Variants in CACNB2 observed in about 807,000 individuals in gnomAD.
The protein encoded by CACNB2 is voltage-dependent L-type calcium channel subunit beta-2.
Under a neutral mutation model 73.3 loss-of-function variants are expected in CACNB2, and 42 were observed. The observed-to-expected ratio is 0.57, with a 90% CI of 0.45 to 0.74. The LOEUF is 0.74. Ranked by LOEUF, CACNB2 falls within the 30% of genes least tolerant of loss-of-function variation. CACNB2 has a pLI of 0.00. For synonymous variants in CACNB2, 348 were observed against 310.3 expected (o/e 1.12, Z -1.28); for missense variants, 940 against 853.0 (o/e 1.10, Z -1.27).
chr10:18,484,421 A>AT (rs11440498), intron 3 of CACNB2, among the ~76,000 whole-genome samples: 146,711 of 151,542 alleles, frequency 0.97, 71,045 homozygotes, highest in African/African-American at 0.99. Context: ...TAGATACAGT[A>AT]TAGAGAAAAC....
intron 2 of CACNB2, among the ~76,000 whole-genome samples, chr10:18,264,903 C>T (rs1201797776): frequency 8.5e-5 from 13 of 152,122 alleles, no homozygotes; most frequent in Admixed American, 8.5e-4. Context: ...AATGAAACTG[C>T]CAAGTCATAG....
At chr10:18,483,549 A>G (rs1394500810) in intron 3 of CACNB2, among the ~76,000 whole-genome samples, 1 of 151,686 alleles carries the variant, frequency 6.6e-6, no homozygotes, top group Non-Finnish European at 1.5e-5. Context: ...AAAAAAAAGA[A>G]AAGAAAAAAG....
At chr10:18,197,678 C>T (rs1241658231) in intron 2 of CACNB2, among the ~76,000 whole-genome samples, 2 of 152,068 alleles carry the variant, frequency 1.3e-5, no homozygotes, top group Admixed American at 6.5e-5. Context: ...AACCAATTCC[C>T]ATAGTCAGAG....
chr10:18,459,135 T>C lies in CACNB2; in HGVS notation c.334-39220T>C. ...GTTGATAGCTCAACATTGAAGATACTATGAATTTTTAGTTAAAAATTTTAA... is the reference window on the plus strand; with the variant it reads ...GTTGATAGCTCAACATTGAAGATACCATGAATTTTTAGTTAAAAATTTTAA... On this transcript the variant is annotated intron_variant, in intron 3 of 13. Transcript: ENST00000324631. 1.3e-5 allele frequency among the ~76,000 whole-genome samples: 2 copies of C among 152,206 alleles called. 1 individual carries two copies. The highest frequency in any genetic ancestry group is 1.3e-4 in the Admixed American group (2 of 15,262).
intron 3 of CACNB2, among the ~76,000 whole-genome samples, chr10:18,490,395 G>C (rs11014484): frequency 0.38 from 58,160 of 152,044 alleles, 11,563 homozygotes; most frequent in East Asian, 0.7. Context: ...GAAAGTACCA[G>C]AAACTGGAAA....
chr10:18,396,334 A>G (rs1254934824), intron 2 of CACNB2, among the ~76,000 whole-genome samples: 1 of 152,244 alleles, frequency 6.6e-6, no homozygotes, highest in African/African-American at 2.4e-5. Context: ...ACATTGCACC[A>G]GAGAACAGAA....
Position 18,289,445 on chromosome 10 carries a change from A to C in CACNB2, c.214-112479A>C, listed in dbSNP as rs557394911. Among the ~76,000 whole-genome samples the C allele has an allele frequency of 1.6e-4, 24 of 150,574 alleles. No individual in the cohort carries two copies. In the South Asian group the frequency reaches 4.5e-3, roughly 28 times the overall value. ...GAGTAGCTGGGACTACAGGTGCCTGACACCACACCCAGCTAATTTTTTGTA... is the reference window on the plus strand; with the variant it reads ...GAGTAGCTGGGACTACAGGTGCCTGCCACCACACCCAGCTAATTTTTTGTA... On this transcript the variant is annotated intron_variant, in intron 2 of 13. Transcript: ENST00000324631.
At chr10:18,510,654 A>G (rs905336355) in intron 6 of CACNB2, among the ~76,000 whole-genome samples, 1 of 152,208 alleles carries the variant, frequency 6.6e-6, no homozygotes, top group Non-Finnish European at 1.5e-5. Flanking sequence ...AGCAGGCTAG[A>G]TTCAATGGGC....
At chr10:18,349,697 TG>T (rs367601204) in intron 2 of CACNB2, among the ~76,000 whole-genome samples, 14 of 148,264 alleles carry the variant, frequency 9.4e-5, no homozygotes, top group Admixed American at 1.4e-4. Flanking sequence ...TAGTGTCTAA[TG>T]GGGACAAACT....
At chr10:18,469,963 A>C (rs1427802841) in intron 3 of CACNB2, among the ~76,000 whole-genome samples, 1 of 152,114 alleles carries the variant, frequency 6.6e-6, no homozygotes, top group Non-Finnish European at 1.5e-5. Flanking sequence ...CTTTGAATAC[A>C]ACCCAACAAC....
intron 3 of CACNB2, among the ~76,000 whole-genome samples, chr10:18,458,725 C>T (rs2047407115): frequency 6.7e-6 from 1 of 149,830 alleles, no homozygotes; most frequent in Admixed American, 6.7e-5. Flanking sequence ...CCTATGCATA[C>T]TATTATACTA....
intron 5 of CACNB2, among the ~76,000 whole-genome samples, chr10:18,502,689 C>CAAAAAAAAAAAAA (rs71200974): frequency 2.7e-5 from 2 of 73,256 alleles, no homozygotes; most frequent in African/African-American, 5.7e-5. Context: ...GACTCCATCT[C>CAAAAAAAAAAAAA]AAAAAAAAAA....
intron 6 of CACNB2, among the ~76,000 whole-genome samples, chr10:18,508,375 CCA>C (rs2050599836): frequency 6.6e-6 from 1 of 152,124 alleles, no homozygotes; most frequent in South Asian, 2.1e-4. Flanking sequence ...GCCCCTGAAT[CCA>C]CAGAGGAAGG....
intron 7 of CACNB2, among the ~76,000 whole-genome samples, chr10:18,516,463 T>G (rs919663758): frequency 6.6e-6 from 1 of 152,188 alleles, no homozygotes; most frequent in Non-Finnish European, 1.5e-5. Flanking sequence ...ATTAAAGTCT[T>G]GAGATAAAAT....
chr10:18,387,558 T>A (rs7074429), intron 2 of CACNB2, among the ~76,000 whole-genome samples: 85,473 of 151,922 alleles, frequency 0.56, 24,707 homozygotes, highest in Middle Eastern at 0.66. Flanking sequence ...TGTGCATCAT[T>A]TCCAATGATT....
chr10:18,271,276 C>T (rs1388460633), intron 2 of CACNB2, among the ~76,000 whole-genome samples: 2 of 152,108 alleles, frequency 1.3e-5, no homozygotes, highest in Non-Finnish European at 2.9e-5. Flanking sequence ...CCTTGTATTT[C>T]TTTTAAGAAT....
chr10:18,234,938 T>C lies in CACNB2; in HGVS notation c.213+83963T>C, dbSNP rs573845217. ...GCGGGCAGATCACGAGGTCAGGAGATCGAGACCATCCTGGCTAACACGGTG... is the reference window on the plus strand; with the variant it reads ...GCGGGCAGATCACGAGGTCAGGAGACCGAGACCATCCTGGCTAACACGGTG... On this transcript the variant is annotated intron_variant, in intron 2 of 13. Transcript: ENST00000324631. 7.0e-4 allele frequency among the ~76,000 whole-genome samples: 102 copies of C among 146,752 alleles called. 1 individual carries two copies. Among genetic ancestry groups the C allele is most frequent in the African/African-American group, 2.2e-3 (88 of 39,248 alleles).
intron 3 of CACNB2, among the ~76,000 whole-genome samples, chr10:18,440,684 A>G (rs2046371183): frequency 1.3e-5 from 2 of 152,150 alleles, no homozygotes; most frequent in Admixed American, 6.5e-5. Context: ...CATTTGATCA[A>G]AATTGTGAAT....
chr10:18,526,670 C>G (rs1300921514), intron 9 of CACNB2, among the ~76,000 whole-genome samples: 2 of 152,132 alleles, frequency 1.3e-5, no homozygotes, highest in African/African-American at 4.8e-5. Flanking sequence ...TCATTTCTAC[C>G]TTATCTAAAA....
Sources: allele counts gnomAD v4.1 joint callset (sites outside exome capture counted in the v4.1 genomes callset), GRCh38; gene constraint gnomAD v4.1.1; transcripts MANE v1.5; gene names NCBI Gene and HGNC (gene_info 2026-07-23, HGNC 2026-07-21).